Variants in DLG2 observed in about 807,000 individuals in gnomAD.
DLG2 encodes the protein disks large homolog 2.
In DLG2, 45 loss-of-function variants were observed where a neutral mutation model predicts 132.5. That is an observed-to-expected ratio of 0.34 (90% confidence interval 0.27 to 0.44). The LOEUF (loss-of-function observed/expected upper bound fraction) is 0.44. DLG2 is among the 20% of genes least tolerant of loss of function. The pLI, the probability that DLG2 is intolerant of heterozygous loss-of-function variation, is 1.00. For synonymous variants in DLG2, 424 were observed against 419.6 expected, an observed-to-expected ratio of 1.01 and a Z score of -0.13; for missense variants, 1,045 against 1,196.9, an observed-to-expected ratio of 0.87 and a Z score of 1.87.
intron 7 of DLG2, among the ~76,000 whole-genome samples, chr11:84,403,054 T>G (rs2098836283): frequency 6.6e-6 from 1 of 151,154 alleles, no homozygotes; most frequent in Non-Finnish European, 1.5e-5. Flanking sequence ...TCAGACTGTG[T>G]TTTTTTTTAA....
chr11:84,586,199 A>G (rs1391017614), intron 6 of DLG2, among the ~76,000 whole-genome samples: 1 of 151,010 alleles, frequency 6.6e-6, no homozygotes, highest in Non-Finnish European at 1.5e-5. Context: ...GTGATGGTGG[A>G]TTTATTACTT....
At chr11:83,925,181 G>T (rs1479153387) in intron 15 of DLG2, among the ~76,000 whole-genome samples, 1 of 152,068 alleles carries the variant, frequency 6.6e-6, no homozygotes, top group African/African-American at 2.4e-5. Context: ...AAGCAGCTGG[G>T]TTTCAGTCAA....
intron 5 of DLG2, among the ~76,000 whole-genome samples, chr11:85,134,366 A>G (rs1011691119): frequency 3.8e-4 from 57 of 150,206 alleles, no homozygotes; most frequent in Non-Finnish European, 7.3e-4. Flanking sequence ...CGTCTCTACT[A>G]AAAATACAAA....
chr11:85,473,004 T>C (rs866226403), intron 3 of DLG2, among the ~76,000 whole-genome samples: 1 of 152,344 alleles, frequency 6.6e-6, no homozygotes, highest in South Asian at 2.1e-4. Context: ...GGTTCTGTGG[T>C]TGCTGGCATC....
chr11:85,539,756 T>G (rs1321958666), intron 3 of DLG2, among the ~76,000 whole-genome samples: 1 of 152,166 alleles, frequency 6.6e-6, no homozygotes, highest in East Asian at 1.9e-4. Context: ...TAAAAAAAGT[T>G]TTTAAAGAGT....
intron 7 of DLG2, among the ~76,000 whole-genome samples, chr11:84,507,600 T>G (rs1477147912): frequency 6.6e-6 from 1 of 152,230 alleles, no homozygotes; most frequent in Non-Finnish European, 1.5e-5. Context: ...TGATGTTGGC[T>G]GCAGGTTTAT....
intron 9 of DLG2, among the ~76,000 whole-genome samples, chr11:84,099,490 T>C (rs1489829498): frequency 6.6e-6 from 1 of 152,012 alleles, no homozygotes; most frequent in Non-Finnish European, 1.5e-5. Flanking sequence ...GGTATTGTTG[T>C]TCTAATATCA....
chr11:84,968,969 C>G (rs1370079460), intron 6 of DLG2, among the ~76,000 whole-genome samples: 2 of 151,822 alleles, frequency 1.3e-5, no homozygotes, highest in African/African-American at 4.8e-5. Context: ...GAGCAAGACT[C>G]TAACGTGTGT....
At chr11:84,594,742 G>A (rs1004148179) in intron 6 of DLG2, among the ~76,000 whole-genome samples, 2 of 152,208 alleles carry the variant, frequency 1.3e-5, no homozygotes, top group Non-Finnish European at 2.9e-5. Context: ...TTTGACAGCA[G>A]TGTGAGTGAT....
chr11:84,172,445 C>T (rs71468363), intron 8 of DLG2, among the ~76,000 whole-genome samples: 8,691 of 151,994 alleles, frequency 0.057, 309 homozygotes, highest in African/African-American at 0.089. Context: ...CAAAAACTTC[C>T]GAGCTCAGCG....
In DLG2 at chr11:85,111,670, G is replaced by T. The variant is rs879868557; in HGVS notation, c.348C>A (p.His116Gln). The change falls in exon 6 of 28, where the codon CAC (histidine) becomes CAA (glutamine). Residue 116 changes from histidine to glutamine, a missense_variant. Coordinates refer to ENST00000376104, the MANE Select transcript of DLG2 (RefSeq NM_001142699.3). ...SVEAPAWMPV[H>Q]HCTKYRYQDE... ...GAATAATCAAACTTACAGTACAGTG[G>T]TGGACAGGCATCCAAGCAGGGGCTT... 1.4e-5 allele frequency: 22 copies of T among 1,562,212 alleles called. No homozygotes were observed. Among genetic ancestry groups the T allele is most frequent in the Non-Finnish European group, 1.9e-5 (22 of 1,152,520 alleles).
chr11:84,797,353 T>A (rs986778691), intron 6 of DLG2, among the ~76,000 whole-genome samples: 1 of 152,190 alleles, frequency 6.6e-6, no homozygotes. Context: ...AATTTAAGGC[T>A]AATAATACTT....
At chr11:83,713,686 T>C (rs1299357358) in intron 18 of DLG2, among the ~76,000 whole-genome samples, 1 of 152,202 alleles carries the variant, frequency 6.6e-6, no homozygotes, top group Non-Finnish European at 1.5e-5. Context: ...CAATGGAAAA[T>C]ATGCTTTTAA....
chr11:85,349,581 G>T (rs953349281), intron 3 of DLG2, among the ~76,000 whole-genome samples: 4 of 151,952 alleles, frequency 2.6e-5, no homozygotes, highest in African/African-American at 9.7e-5. Context: ...CCTCCAACAG[G>T]CCCCAGTGTG....
chr11:85,201,146 C>G (rs890961558), intron 4 of DLG2, among the ~76,000 whole-genome samples: 8 of 152,120 alleles, frequency 5.3e-5, no homozygotes, highest in Non-Finnish European at 8.8e-5. Flanking sequence ...GCCAACAAGA[C>G]CAGCCCCTCC....
intron 6 of DLG2, among the ~76,000 whole-genome samples, chr11:84,959,009 G>A (rs963678205): frequency 5.3e-5 from 8 of 152,220 alleles, no homozygotes; most frequent in Non-Finnish European, 1.0e-4. Context: ...TTTGGACAGC[G>A]CTACAGGTAG....
chr11:83,638,001 GAA>G (rs2065298476), intron 18 of DLG2, among the ~76,000 whole-genome samples: 2 of 152,184 alleles, frequency 1.3e-5, no homozygotes, highest in African/African-American at 4.8e-5. Context: ...TGCTTTGCAT[GAA>G]ATAGATGTTT....
At chr11:84,184,402 C>T (rs562421008) in intron 8 of DLG2, among the ~76,000 whole-genome samples, 19 of 151,804 alleles carry the variant, frequency 1.3e-4, no homozygotes, top group South Asian at 1.0e-3. Context: ...TCATATCCTT[C>T]GCCCACTTTT....
At chr11:83,722,329 T>C (rs2088816677) in intron 18 of DLG2, among the ~76,000 whole-genome samples, 1 of 152,166 alleles carries the variant, frequency 6.6e-6, no homozygotes, top group African/African-American at 2.4e-5. Flanking sequence ...CCTACCCTCA[T>C]GGTGGTCTTA....
Sources: allele counts gnomAD v4.1 joint callset (sites outside exome capture counted in the v4.1 genomes callset), GRCh38; gene constraint gnomAD v4.1.1; transcripts MANE v1.5; gene names NCBI Gene and HGNC (gene_info 2026-07-23, HGNC 2026-07-21).